Variants in CAST observed in about 807,000 individuals in gnomAD.
CAST encodes the protein MIR583 host.
In CAST, 76 loss-of-function variants were observed where a neutral mutation model predicts 119.6. That is an observed-to-expected ratio of 0.64 (90% CI 0.53 to 0.77). CAST has a LOEUF of 0.77. Ranked by LOEUF, CAST falls within the 30% of genes least tolerant of loss-of-function variation. The pLI is 0.00. For missense variants in CAST, 953 were observed against 946.5 expected (o/e 1.01, Z -0.09); for synonymous variants, 319 against 331.6 (o/e 0.96, Z 0.41).
the CAST span, among the ~76,000 whole-genome samples, chr5:95,981,330 G>A: frequency 1.3e-5 from 2 of 152,144 alleles, no homozygotes; most frequent in Non-Finnish European, 2.9e-5. Flanking sequence ...AGCAGGCCCT[G>A]GGCCTCCAGA....
At chr5:96,582,609 G>A (rs1243016379) in intron 1 of CAST, among the ~76,000 whole-genome samples, 2 of 152,210 alleles carry the variant, frequency 1.3e-5, no homozygotes, top group African/African-American at 4.8e-5. Flanking sequence ...ATCTCATTAT[G>A]TACTGGGACG....
chr5:96,573,325 A>G (rs1746605034), intron 1 of CAST, among the ~76,000 whole-genome samples: 1 of 152,006 alleles, frequency 6.6e-6, no homozygotes, highest in Admixed American at 6.6e-5. Context: ...ATTGAGGCAT[A>G]ATTTACATTA....
At chr5:96,410,804 G>A in the CAST span, 4 of 1,614,116 alleles carry the variant, frequency 2.5e-6, no homozygotes, top group East Asian at 8.9e-5. Context: ...CTCCGCTGCT[G>A]TAAGAGGTGG....
At chr5:96,033,365 G>A in the CAST span, among the ~76,000 whole-genome samples, 1 of 152,038 alleles carries the variant, frequency 6.6e-6, no homozygotes, top group African/African-American at 2.4e-5. Flanking sequence ...AAAAAGTGTA[G>A]AGGTAGAGGT....
At chr5:96,447,627 G>T in the CAST span, among the ~76,000 whole-genome samples, 1 of 152,188 alleles carries the variant, frequency 6.6e-6, no homozygotes. Flanking sequence ...ATTTGACTGG[G>T]TTTACTTGGG....
intron 1 of CAST, among the ~76,000 whole-genome samples, chr5:96,553,288 T>G (rs1445294005): frequency 3.3e-5 from 5 of 152,152 alleles, no homozygotes; most frequent in Admixed American, 6.5e-5. Flanking sequence ...ATCCATCACA[T>G]AAACAGAACC....
At chr5:96,021,221 T>C in the CAST span, among the ~76,000 whole-genome samples, 14 of 152,298 alleles carry the variant, frequency 9.2e-5, no homozygotes, top group African/African-American at 2.9e-4. Context: ...AAGAGAGGTT[T>C]ATCTGTATAA....
chr5:96,344,485 A>T, the CAST span, among the ~76,000 whole-genome samples: 1 of 152,212 alleles, frequency 6.6e-6, no homozygotes, highest in South Asian at 2.1e-4. Flanking sequence ...TAACCATGAA[A>T]GCAAGCAGTG....
At chr5:96,047,461 C>T in the CAST span, among the ~76,000 whole-genome samples, 1 of 151,932 alleles carries the variant, frequency 6.6e-6, no homozygotes, top group East Asian at 1.9e-4. Flanking sequence ...CCTGGAAGCC[C>T]AATAGTTGTA....
chr5:96,590,081 A>G (rs1325489647), intron 1 of CAST, among the ~76,000 whole-genome samples: 2 of 152,234 alleles, frequency 1.3e-5, no homozygotes, highest in Admixed American at 1.3e-4. Flanking sequence ...AACTAATTTT[A>G]AAAGTGAAGA....
the CAST span, among the ~76,000 whole-genome samples, chr5:96,342,175 C>T: frequency 4.6e-5 from 7 of 152,224 alleles, no homozygotes; most frequent in African/African-American, 1.7e-4. Context: ...CAAACACAGG[C>T]CTCCTTCCTT....
the CAST span, chr5:96,214,849 GAA>G: frequency 6.6e-6 from 1 of 152,168 alleles, no homozygotes; most frequent in East Asian, 1.9e-4. Flanking sequence ...CATAATCCAA[GAA>G]AAAGTCTTTT....
chr5:96,537,670 A>G (rs956845439), intron 1 of CAST, among the ~76,000 whole-genome samples: 9 of 152,188 alleles, frequency 5.9e-5, no homozygotes, highest in African/African-American at 2.2e-4. Context: ...AGACTCTGCC[A>G]TCTTTGAAGC....
At chr5:96,757,752 G>A (rs1350239786) in intron 24 of CAST, 98 bp downstream of exon 24, 1 of 762,936 alleles carries the variant, frequency 1.3e-6, no homozygotes, top group East Asian at 2.7e-5. Flanking sequence ...GTACAGTGGT[G>A]CCATCTTCAG....
At chr5:96,487,602 C>A in the CAST span, among the ~76,000 whole-genome samples, 4 of 152,180 alleles carry the variant, frequency 2.6e-5, no homozygotes, top group African/African-American at 7.2e-5. Flanking sequence ...GACTCCTAGA[C>A]CAAGGATAAG....
the CAST span, among the ~76,000 whole-genome samples, chr5:96,511,483 T>C: frequency 1.3e-5 from 2 of 152,202 alleles, no homozygotes; most frequent in African/African-American, 2.4e-5. Flanking sequence ...AAATATAGTA[T>C]GATGCTAGCA....
chr5:96,632,338 A>C (rs1747832335), intron 1 of CAST, among the ~76,000 whole-genome samples: 1 of 150,978 alleles, frequency 6.6e-6, no homozygotes, highest in Admixed American at 6.6e-5. Flanking sequence ...TTGACACACA[A>C]AATTTTTTAA....
the CAST span, among the ~76,000 whole-genome samples, chr5:96,179,756 G>T: frequency 2.0e-5 from 3 of 152,194 alleles, no homozygotes; most frequent in African/African-American, 7.2e-5. Flanking sequence ...TAGAGTGTAG[G>T]CCGGGCGCGG....
At chr5:96,425,730 A>T in the CAST span, 2 of 128,834 alleles carry the variant, frequency 1.6e-5, no homozygotes, top group Non-Finnish European at 2.4e-5. Context: ...CTCCATCATA[A>T]AAAAAAAAAA....
Sources: gnomAD v4.1 joint callset for allele counts (sites outside exome capture counted in the v4.1 genomes callset) on GRCh38, gnomAD v4.1.1 for gene constraint, MANE v1.5 for transcripts, NCBI Gene and HGNC (gene_info 2026-07-23, HGNC 2026-07-21) for gene names.